The following ACAD8 variants were observed in gnomAD, a reference collection of about 807,000 sequenced individuals.
The protein encoded by ACAD8 is acyl-CoA dehydrogenase family member 8.
In ACAD8, 47 loss-of-function variants were observed where a neutral mutation model predicts 53.1. That is an observed-to-expected ratio of 0.89 (90% CI 0.70 to 1.13). The LOEUF is 1.13. Ranked by LOEUF, ACAD8 falls within the 50% of genes most tolerant of loss-of-function variation. The pLI, the probability that ACAD8 is intolerant of heterozygous loss-of-function variation, is 0.00. For synonymous variants in ACAD8, 198 were observed against 201.3 expected, an observed-to-expected ratio of 0.98 and a Z score of 0.14; for missense variants, 494 against 535.0, an observed-to-expected ratio of 0.92 and a Z score of 0.76.
intron 6 of ACAD8, chr11:134,260,082 T>C: frequency 3.3e-6 from 4 of 1,202,250 alleles, no homozygotes; most frequent in Non-Finnish European, 4.2e-6. Flanking sequence ...AGAGAAGACC[T>C]GGTGTTGGCC....
At chr11:134,260,959 C>T in intron 6 of ACAD8, 85 bp from the exon 7 acceptor site, 2 of 1,526,012 alleles carry the variant, frequency 1.3e-6, no homozygotes, top group Non-Finnish European at 1.8e-6. Flanking sequence ...TGCTGAAACC[C>T]ATACCTCACA....
rs562769668 is a variant in ACAD8, at chr11:134,261,220, G to C, written c.841+41G>C. 1 of 1,614,070 alleles carries C rather than the reference G, an allele frequency of 6.2e-7. No individual in the cohort carries two copies. The highest frequency in any genetic ancestry group is 2.2e-5 in the East Asian group (1 of 44,876). On this transcript the variant is annotated intron_variant, in intron 7 of 10. Transcript: ENST00000281182. The surrounding 1 kb of genome is among the most constrained non-coding windows in gnomAD (Gnocchi z 4.2). ...GTGTGGCAGGGAGGTAGCGGTCCGG[G>C]ACAGGCACTGCTGTTTTCCAGCTTG...
At chr11:134,256,211 G>A (rs1939520388) in intron 1 of ACAD8, among the ~76,000 whole-genome samples, 1 of 152,228 alleles carries the variant, frequency 6.6e-6, no homozygotes, top group South Asian at 2.1e-4. Context: ...CCAGCCCATA[G>A]TGCTCTTCAG....
At chr11:134,264,469 G>T (rs1940077558) in intron 10 of ACAD8, among the ~76,000 whole-genome samples, 1 of 152,134 alleles carries the variant, frequency 6.6e-6, no homozygotes, top group African/African-American at 2.4e-5. Flanking sequence ...AGTGAGCCAA[G>T]ATCACACCAC....
chr11:134,259,872 A>T (rs780026252), intron 6 of ACAD8, 127 bp downstream of exon 6: 9 of 1,531,746 alleles, frequency 5.9e-6, no homozygotes, highest in Non-Finnish European at 8.0e-6. Context: ...AGTTGCTTCT[A>T]TTAGGATTTT....
rs77722032 is a variant in ACAD8, at chr11:134,260,253, G to A, written c.705+508G>A. Reference sequence around the variant, plus strand: ...TAAGATACTTCTAGGATTAAGAGCCGCCATGGCCAGGGCATGAACAGGAGA... The same window carrying A: ...TAAGATACTTCTAGGATTAAGAGCCACCATGGCCAGGGCATGAACAGGAGA... On this transcript the variant is annotated intron_variant, in intron 6 of 10. Coordinates refer to ENST00000281182, the MANE Select transcript of ACAD8 (RefSeq NM_014384.3). 1,449 of 1,028,266 alleles carry A rather than the reference G, an allele frequency of 1.4e-3. 15 individuals carry two copies. The African/African-American group carries it at 0.023, about 16-fold the overall frequency. 63.7% of individuals were successfully genotyped at this position (1,028,266 alleles called of 1,614,324 possible). A position where few individuals can be genotyped will look rare whatever the true frequency, so the allele number is the denominator to read the frequency against.
At chr11:134,255,606 ACT>A (rs1939484037) in intron 1 of ACAD8, among the ~76,000 whole-genome samples, 1 of 152,102 alleles carries the variant, frequency 6.6e-6, no homozygotes, top group Non-Finnish European at 1.5e-5. Flanking sequence ...TTTATCCCTA[ACT>A]CTGTTCCTGA....
Position 134,261,279 on chromosome 11 carries a change from C to T in ACAD8, c.846C>T (p.Ser282=), listed in dbSNP as rs200330956. 1.2e-6 allele frequency: 2 copies of T among 1,614,192 alleles called. No homozygotes were observed. The highest frequency in any genetic ancestry group is 4.5e-5 in the East Asian group (2 of 44,866). Residue 282 remains serine, a synonymous_variant, in exon 8 of 11, where the codon TCC becomes TCT. Transcript: ENST00000281182. The surrounding 1 kb of genome is among the most constrained non-coding windows in gnomAD (Gnocchi z 4.2). The stretch of plus-strand genomic sequence containing the variant: ...GTCGGCGCTCTTCCCCTCTAGCTTC[C>T]TGCTCCCTGGGGGCTGCCCACGCCT... ...GLNGGRINIA[S]CSLGAAHASV...
chr11:134,262,599 C>T lies in ACAD8; in HGVS notation c.1172C>T (p.Ser391Phe). 6.2e-7 allele frequency: 1 copy of T among 1,613,922 alleles called. No homozygotes were observed. Among genetic ancestry groups the T allele is most frequent in the Non-Finnish European group, 8.5e-7 (1 of 1,179,894 alleles). Residue 391 changes from serine to phenylalanine, a missense_variant, in exon 10 of 11, where the codon TCC (serine) becomes TTC (phenylalanine). Coordinates refer to ENST00000281182, the MANE Select transcript of ACAD8 (RefSeq NM_014384.3). Reference protein sequence around the residue: ...DYAVQQYVRDSRVHQILEGSN... With the variant: ...DYAVQQYVRDFRVHQILEGSN... ...GCTGTTCAGCAGTACGTGCGGGACT[C>T]CAGGGTCCACCAGATTCTAGAAGGT...
chr11:134,262,169 A>G lies in ACAD8; in HGVS notation c.1092+279A>G, dbSNP rs529763620. 1.0e-4 allele frequency: 68 copies of G among 660,292 alleles called. 1 individual carries two copies. In the Middle Eastern group the frequency reaches 2.1e-3, roughly 21 times the overall value. The allele number at this position is 660,292 out of a possible 1,614,324, so 40.9% of individuals were successfully genotyped here. A position where few individuals can be genotyped will look rare whatever the true frequency, so the allele number is the denominator to read the frequency against. The stretch of plus-strand genomic sequence containing the variant: ...CTTTGGAAGGTTCACAGCAGCCCCA[A>G]TTTAGCACTCTGCCATGTTTACATT... On this transcript the variant is annotated intron_variant, in intron 9 of 10. Coordinates refer to ENST00000281182, the MANE Select transcript of ACAD8 (RefSeq NM_014384.3).
chr11:134,260,096 A>G (rs2136081198), intron 6 of ACAD8: 2 of 1,194,100 alleles, frequency 1.7e-6, no homozygotes, highest in Non-Finnish European at 2.1e-6. Context: ...GTTGGCCACA[A>G]GTCTCAGTAA....
chr11:134,264,905 C>A lies in ACAD8; in HGVS notation c.1196-3C>A, dbSNP rs767796597. ...AATTCTTCCTCCTTCCTCCCTCTTA[C>A]AGGTAGCAATGAAGTGATGAGGATA... is the stretch of plus-strand genomic sequence containing the variant. On this transcript the variant is annotated splice_region_variant and splice_polypyrimidine_tract_variant and intron_variant, in intron 10 of 10. Coordinates refer to ENST00000281182, the MANE Select transcript of ACAD8 (RefSeq NM_014384.3). 1 of 1,613,904 alleles carries A rather than the reference C, an allele frequency of 6.2e-7. No homozygotes were observed. The highest frequency in any genetic ancestry group is 8.5e-7 in the Non-Finnish European group (1 of 1,179,886).
intron 10 of ACAD8, 112 bp from the exon 11 acceptor site, chr11:134,264,796 T>C: frequency 2.2e-6 from 2 of 891,150 alleles, no homozygotes; most frequent in Admixed American, 1.7e-5. Flanking sequence ...GCAATGATTG[T>C]AGTTTAAATC....
In ACAD8 at chr11:134,253,612, C is replaced by G. The variant is rs777227435; in HGVS notation, c.12C>G (p.Ser4Arg). 5 of 1,579,234 alleles carry G rather than the reference C, an allele frequency of 3.2e-6. No individual in the cohort carries two copies. In the African/African-American group the frequency reaches 6.7e-5, roughly 21 times the overall value. The change falls in exon 1 of 11, where the codon AGC becomes AGG. Residue 4 changes from serine (S) to arginine (R), a missense_variant. By Grantham distance (110) the Ser-to-Arg change is moderately radical. Coordinates refer to ENST00000281182, the MANE Select transcript of ACAD8 (RefSeq NM_014384.3). ...GAGCTGCGGCGGCTATGCTGTGGAGCGGCTGCCGGCGTTTCGGGGCGCGCC... is the reference window on the plus strand; with the variant it reads ...GAGCTGCGGCGGCTATGCTGTGGAGGGGCTGCCGGCGTTTCGGGGCGCGCC... MLWSGCRRFGARLG... is the reference protein window; with the variant it reads MLWRGCRRFGARLG...
At chr11:134,264,050 A>C in intron 10 of ACAD8, 9 of 985,050 alleles carry the variant, frequency 9.1e-6, no homozygotes, top group Non-Finnish European at 1.1e-5. Flanking sequence ...ACCTTATAAA[A>C]TTAGGAAAAG....
chr11:134,255,966 C>T (rs1024664248), intron 1 of ACAD8, among the ~76,000 whole-genome samples: 1 of 152,210 alleles, frequency 6.6e-6, no homozygotes, highest in Non-Finnish European at 1.5e-5. Flanking sequence ...AGTGCAATGG[C>T]ACAATCTCAG....
intron 3 of ACAD8, chr11:134,258,176 G>T (rs1436013989): frequency 1.1e-5 from 4 of 365,036 alleles, no homozygotes; most frequent in South Asian, 8.9e-5. Flanking sequence ...TCAATCCAAA[G>T]ATGGAACTGC....
intron 1 of ACAD8, among the ~76,000 whole-genome samples, chr11:134,254,852 T>G (rs946012355): frequency 6.6e-6 from 1 of 152,222 alleles, no homozygotes; most frequent in Non-Finnish European, 1.5e-5. Context: ...CTAGTAACTA[T>G]GTATTGGCAT....
rs182607611 is a variant in ACAD8 at position 134,263,388 on chromosome 11, G to A, written c.1195+766G>A. 3.2e-4 allele frequency: 320 copies of A among 987,270 alleles called. 1 individual carries two copies. The African/African-American group carries it at 4.9e-3, about 15-fold the overall frequency. The allele number at this position is 987,270 out of a possible 1,614,324, so 61.2% of individuals were successfully genotyped here. A position where few individuals can be genotyped will look rare whatever the true frequency, so the allele number is the denominator to read the frequency against. ...GGAATCGCCTGGAGGGCATGGGAGCGCAGATTGCGGGCCTCAACCCCAGAG... is the reference window on the plus strand; with the variant it reads ...GGAATCGCCTGGAGGGCATGGGAGCACAGATTGCGGGCCTCAACCCCAGAG... On this transcript the variant is annotated intron_variant, in intron 10 of 10. Coordinates refer to ENST00000281182, the MANE Select transcript of ACAD8 (RefSeq NM_014384.3).
Sources: allele counts gnomAD v4.1 joint callset (sites outside exome capture counted in the v4.1 genomes callset), GRCh38; gene constraint gnomAD v4.1.1; non-coding constraint Gnocchi (gnomAD v3.1); transcripts MANE v1.5; gene names NCBI Gene and HGNC (gene_info 2026-07-23, HGNC 2026-07-21).